ZFP14: variants seen among roughly 807,000 people sequenced by gnomAD.
ZFP14 encodes the protein zinc finger protein 14 homolog.
ZFP14 carries 22 observed loss-of-function variants against 54.5 expected under a neutral mutation model. The observed-to-expected ratio is 0.40, with a 90% CI of 0.29 to 0.58. The LOEUF is 0.58. Ranked by LOEUF, ZFP14 falls within the 20% of genes least tolerant of loss-of-function variation. ZFP14 has a pLI of 0.39. For synonymous variants in ZFP14, 159 were observed against 204.0 expected, an observed-to-expected ratio of 0.78 and a Z score of 1.88; for missense variants, 470 against 637.8, an observed-to-expected ratio of 0.74 and a Z score of 2.83.
At position 36,349,257 on chromosome 19, in the gene ZFP14, C is replaced by CAA. The variant is rs1171155676; in HGVS notation, c.236-7669_236-7668dup. Among the ~76,000 whole-genome samples the CAA allele has an allele frequency of 1.0e-3, 44 of 42,228 alleles. 1 individual carries two copies. Among genetic ancestry groups the CAA allele is most frequent in the Admixed American group, 4.5e-3 (13 of 2,884 alleles). The allele number at this position is 42,228 out of a possible 152,430, so 27.7% of individuals were successfully genotyped here. ...AAAAAAAAAAACAAAAAAAAAAAAA[C>CAA]AAAAAAAAAAAAACAGGAAGAACAT... On this transcript the variant is annotated intron_variant, in intron 4 of 4. Transcript: ENST00000270001.
At chr19:36,365,672 T>C (rs535810379) in intron 2 of ZFP14, among the ~76,000 whole-genome samples, 13 of 152,198 alleles carry the variant, frequency 8.5e-5, no homozygotes, top group African/African-American at 3.1e-4. Flanking sequence ...AAAAGCATTG[T>C]ATTGGATCAG....
chr19:36,339,697 TG>T lies in ZFP14; in HGVS notation c.*526del, dbSNP rs2031273365. Reference sequence around the variant, plus strand: ...GGTAACAACTATGTTAGTCTGGATGTGGATCCTTCCCCAGTTGAGCCTTCAG... The same window carrying T: ...GGTAACAACTATGTTAGTCTGGATGTGATCCTTCCCCAGTTGAGCCTTCAG... On this transcript the variant is annotated 3_prime_UTR_variant, in exon 5 of 5. Coordinates refer to ENST00000270001, the MANE Select transcript of ZFP14 (RefSeq NM_020917.3). 1 of 152,714 alleles carries T rather than the reference TG, an allele frequency of 6.5e-6. No individual in the cohort carries two copies. The highest frequency in any genetic ancestry group is 1.5e-5 in the Non-Finnish European group (1 of 68,436). The allele number at this position is 152,714 out of a possible 1,614,324, so 9.5% of individuals were successfully genotyped here.
rs933114943 is a variant in ZFP14, at chr19:36,339,973, G to A, written c.*251C>T. 2.8e-6 allele frequency: 1 copy of A among 352,212 alleles called. No individual in the cohort carries two copies. Among genetic ancestry groups the A allele is most frequent in the African/African-American group, 2.1e-5 (1 of 47,406 alleles). The allele number at this position is 352,212 out of a possible 1,614,324, so 21.8% of individuals were successfully genotyped here. On this transcript the variant is annotated 3_prime_UTR_variant, in exon 5 of 5. Transcript: ENST00000270001. ...AGTATCTTGTCCAATAAATCAAACT[G>A]GTAATCAAGTGGAGAAAGGGAGATA...
At chr19:36,365,390 T>A (rs570256639) in intron 2 of ZFP14, among the ~76,000 whole-genome samples, 63 of 152,290 alleles carry the variant, frequency 4.1e-4, no homozygotes, top group African/African-American at 1.5e-3. Context: ...TTTCCAATCT[T>A]TTAGGAACTC....
chr19:36,369,049 C>T (rs2031839901), intron 1 of ZFP14, among the ~76,000 whole-genome samples: 1 of 152,144 alleles, frequency 6.6e-6, no homozygotes, highest in Admixed American at 6.5e-5. Context: ...GCCATGTTGA[C>T]CAGGCTTGTC....
chr19:36,341,018 G>C lies in ZFP14; in HGVS notation c.808C>G (p.Gln270Glu). 2 of 1,614,016 alleles carry C rather than the reference G, an allele frequency of 1.2e-6. No individual in the cohort carries two copies. Among genetic ancestry groups the C allele is most frequent in the Non-Finnish European group, 1.7e-6 (2 of 1,180,018 alleles). ...TGAATTCTCTGATGTCGAGCCAGTT[G>C]CTGATGTACTCTAAAGGCCTTTCCA... ...ECGKAFRVHQ[Q>E]LARHQRIHTG... is the part of the protein sequence containing the mutation. Residue 270 changes from glutamine (Q) to glutamate (E), a missense_variant, in exon 5 of 5, where the codon CAA (glutamine) becomes GAA (glutamate). Transcript: ENST00000270001. The surrounding 1 kb of genome is among the most constrained non-coding windows in gnomAD (Gnocchi z 4.2).
At chr19:36,359,975 CTA>C (rs2031683539) in intron 4 of ZFP14, 1 of 152,130 alleles carries the variant, frequency 6.6e-6, no homozygotes, top group Admixed American at 6.6e-5. Flanking sequence ...CTTTTAACGG[CTA>C]TAGGATCTAA....
rs962824374 is a variant in ZFP14 at position 36,342,907 on chromosome 19, A to G, written c.236-1317T>C. Among the ~76,000 whole-genome samples, 7 of 152,326 alleles carry G rather than the reference A, an allele frequency of 4.6e-5. No individual in the cohort carries two copies. In the South Asian group the frequency reaches 8.3e-4, roughly 18 times the overall value. On this transcript the variant is annotated intron_variant, in intron 4 of 4. Coordinates refer to ENST00000270001, the MANE Select transcript of ZFP14 (RefSeq NM_020917.3). ...CTCCACTGGACTAGAAAAATTACTC[A>G]TAAGCCAATCATCTACATTATACAC...
Position 36,340,903 on chromosome 19 carries a change from G to A in ZFP14, c.923C>T (p.Ala308Val). ...TTCCTTACATTCATAGAGCTTTTCA[G>A]CAGTATGAAGTCTCTGATGGCGTGT... Reference protein sequence around the residue: ...HLTRHQRLHTAEKLYECKECG... With the variant: ...HLTRHQRLHTVEKLYECKECG... Residue 308 changes from alanine (A) to valine (V), a missense_variant, in exon 5 of 5, where the codon GCT becomes GTT. By Grantham distance (64) the Ala-to-Val change is moderately conservative (BLOSUM62 0). Coordinates refer to ENST00000270001, the MANE Select transcript of ZFP14 (RefSeq NM_020917.3). The surrounding 1 kb of genome is among the most constrained non-coding windows in gnomAD (Gnocchi z 5.4). 1 of 1,613,350 alleles carries A rather than the reference G, an allele frequency of 6.2e-7. No homozygotes were observed.
At chr19:36,371,739 T>C (rs796506135) in intron 1 of ZFP14, among the ~76,000 whole-genome samples, 4 of 152,070 alleles carry the variant, frequency 2.6e-5, no homozygotes, top group African/African-American at 9.6e-5. Context: ...TGGGATTACT[T>C]GAGTCCAGGA....
intron 4 of ZFP14, among the ~76,000 whole-genome samples, chr19:36,344,495 A>T (rs960442697): frequency 2.0e-5 from 3 of 152,180 alleles, no homozygotes; most frequent in Admixed American, 1.3e-4. Context: ...AGATATTACC[A>T]GTTTAATTCT....
In ZFP14 at chr19:36,353,287, C is replaced by T. The variant is rs1436058201; in HGVS notation, c.235+7148G>A. 1.4e-5 allele frequency among the ~76,000 whole-genome samples: 2 copies of T among 142,802 alleles called. 1 individual carries two copies. The highest frequency in any genetic ancestry group is 3.1e-5 in the Non-Finnish European group (2 of 64,312). 93.7% of individuals were successfully genotyped at this position (142,802 alleles called of 152,430 possible). On this transcript the variant is annotated intron_variant, in intron 4 of 4. Coordinates refer to ENST00000270001, the MANE Select transcript of ZFP14 (RefSeq NM_020917.3). ...CTCTCAGCCTTCCACTAGTACCATT[C>T]TCAGCAAAACCACTATCATCTTCAA... is the stretch of plus-strand genomic sequence containing the variant.
At chr19:36,360,798 A>G (rs948244794) in intron 3 of ZFP14, among the ~76,000 whole-genome samples, 1 of 152,210 alleles carries the variant, frequency 6.6e-6, no homozygotes, top group African/African-American at 2.4e-5. Context: ...AACCTCACAC[A>G]AGCTCTGTTG....
intron 1 of ZFP14, among the ~76,000 whole-genome samples, chr19:36,374,567 A>G (rs569424280): frequency 2.0e-5 from 3 of 152,174 alleles, no homozygotes; most frequent in Admixed American, 6.5e-5. Flanking sequence ...GAATTAATGG[A>G]TTAAAGTTGA....
intron 1 of ZFP14, among the ~76,000 whole-genome samples, chr19:36,368,614 T>A (rs2031832310): frequency 6.6e-6 from 1 of 152,090 alleles, no homozygotes; most frequent in Admixed American, 6.6e-5. Flanking sequence ...TCTGAGCAGC[T>A]CCTCCTCACT....
At chr19:36,360,204 G>T (rs987000131) in intron 4 of ZFP14, 2 of 322,502 alleles carry the variant, frequency 6.2e-6, no homozygotes, top group Non-Finnish European at 1.1e-5. Flanking sequence ...TTTAAAGTAG[G>T]ATAGAAATAT....
chr19:36,360,599 A>C, intron 3 of ZFP14, 66 bp from the exon 4 acceptor site: 1 of 1,447,758 alleles, frequency 6.9e-7, no homozygotes, highest in South Asian at 1.3e-5. Context: ...GATTTGGTTA[A>C]ATTTATAATT....
At chr19:36,364,969 T>G (rs1245693455) in intron 2 of ZFP14, among the ~76,000 whole-genome samples, 1 of 151,192 alleles carries the variant, frequency 6.6e-6, no homozygotes, top group Non-Finnish European at 1.5e-5. Context: ...TCTTTCTTTC[T>G]TTGCTTTCTT....
chr19:36,355,930 T>TGTA (rs573451988), intron 4 of ZFP14, among the ~76,000 whole-genome samples: 1 of 142,250 alleles, frequency 7.0e-6, no homozygotes, highest in South Asian at 2.2e-4. Flanking sequence ...GAGATGAAAC[T>TGTA]GTAGTCACCG....
Sources: gnomAD v4.1 joint callset for allele counts (sites outside exome capture counted in the v4.1 genomes callset) on GRCh38, gnomAD v4.1.1 for gene constraint, Gnocchi (gnomAD v3.1) non-coding constraint, MANE v1.5 for transcripts, NCBI Gene and HGNC (gene_info 2026-07-23, HGNC 2026-07-21) for gene names.